The following PRH1 variants were observed in gnomAD, a reference collection of about 807,000 sequenced individuals.
The protein encoded by PRH1 is proline rich protein HaeIII subfamily 1.
Under a neutral mutation model 7.9 loss-of-function variants are expected in PRH1, and 7 were observed. The ratio of observed to expected loss-of-function variants is 0.89; its 90% CI spans 0.50 to 1.67. The LOEUF is 1.67. Ranked by LOEUF, PRH1 falls within the 40% of genes most tolerant of loss-of-function variation. PRH1 has a pLI of 0.00. For missense variants in PRH1, 109 were observed against 223.6 expected (o/e 0.49, Z 3.27); for synonymous variants, 45 against 80.8 (o/e 0.56, Z 2.38).
At position 11,131,839 on chromosome 12, in the gene PRH1, T is replaced by C. The variant is rs1946352471; in HGVS notation, n.40-10659A>G. 2.0e-5 allele frequency among the ~76,000 whole-genome samples: 3 copies of C among 152,248 alleles called. No homozygotes were observed. In the South Asian group the frequency reaches 6.2e-4, roughly 32 times the overall value. On this transcript the variant is annotated intron_variant and non_coding_transcript_variant, in intron 1 of 1. Transcript: ENST00000541175. ...GCAACTGCAGATTTTGTGATGAGTT[T>C]CCCTTTCATTGGTTTACCACATCAG...
At chr12:10,989,542 C>T (rs1024705090) in intron 1 of PRH1, among the ~76,000 whole-genome samples, 5 of 152,156 alleles carry the variant, frequency 3.3e-5, no homozygotes, top group Non-Finnish European at 7.4e-5. Context: ...TAACTAAATT[C>T]ACTTTTTGAT....
intron 1 of PRH1, among the ~76,000 whole-genome samples, chr12:10,982,657 T>C (rs1178821718): frequency 6.6e-6 from 1 of 152,174 alleles, no homozygotes; most frequent in Non-Finnish European, 1.5e-5. Context: ...ATTAATAATA[T>C]TACATAAAGT....
chr12:11,097,068 GA>G (rs1945090773), intron 1 of PRH1: 1 of 133,162 alleles, frequency 7.5e-6, no homozygotes. Context: ...AAAGTGCTGG[GA>G]TTACAGGCGT....
At chr12:10,989,354 T>C (rs182138114) in intron 1 of PRH1, among the ~76,000 whole-genome samples, 6 of 152,324 alleles carry the variant, frequency 3.9e-5, no homozygotes, top group Admixed American at 2.0e-4. Context: ...TCATCTTTAG[T>C]TGATACATAT....
intron 1 of PRH1, among the ~76,000 whole-genome samples, chr12:10,984,026 G>C (rs1939486718): frequency 6.6e-6 from 1 of 151,590 alleles, no homozygotes; most frequent in African/African-American, 2.4e-5. Context: ...TGTTCATTTA[G>C]AAAGGGTTTT....
upstream of PRH1, chr12:11,171,601 A>C: frequency 1.7e-6 from 2 of 1,207,340 alleles, no homozygotes; most frequent in Non-Finnish European, 2.1e-6. Context: ...GGCCAGCATG[A>C]TGGCCGACTC....
At chr12:10,978,185 A>C (rs1291793376) in intron 1 of PRH1, among the ~76,000 whole-genome samples, 1 of 152,220 alleles carries the variant, frequency 6.6e-6, no homozygotes, top group Non-Finnish European at 1.5e-5. Flanking sequence ...GGCAACAGTA[A>C]CCAAAGCAGC....
chr12:11,088,194 A>C (rs1367160802), intron 1 of PRH1, among the ~76,000 whole-genome samples: 1 of 129,758 alleles, frequency 7.7e-6, no homozygotes, highest in East Asian at 2.0e-4. Context: ...TACAAAAATT[A>C]GCCAGGCGTG....
chr12:10,907,509 CTGTA>C (rs1350590898), intron 2 of PRH1, among the ~76,000 whole-genome samples: 1 of 116,620 alleles, frequency 8.6e-6, no homozygotes, highest in Admixed American at 9.4e-5. Context: ...CACTCTATAA[CTGTA>C]TGTGTGTGTG....
intron 1 of PRH1, among the ~76,000 whole-genome samples, chr12:11,042,431 G>T (rs964769588): frequency 4.5e-4 from 59 of 132,112 alleles, no homozygotes; most frequent in African/African-American, 1.6e-3. Context: ...CCCAAAACCT[G>T]ATAAGACCAA....
At position 10,905,580 on chromosome 12, in the gene PRH1, C is replaced by T. The variant is rs151077678; in HGVS notation, c.-58-21305G>A. On this transcript the variant is annotated intron_variant, in intron 2 of 3. Coordinates refer to the PRH1 transcript ENST00000539853. The stretch of plus-strand genomic sequence containing the variant: ...ACTTGGGAGGCTGAGGCAGAAGAAT[C>T]GCTTGAACCTGGGAGGTGGAGGCAG... Among the ~76,000 whole-genome samples the T allele has an allele frequency of 3.9e-3, 592 of 152,062 alleles. 19 individuals carry two copies. The East Asian group carries it at 0.068, about 18-fold the overall frequency.
intron 3 of PRH1, 44 bp downstream of exon 3, chr12:10,882,173 T>C: frequency 3.1e-6 from 5 of 1,608,562 alleles, no homozygotes; most frequent in Non-Finnish European, 4.2e-6. Flanking sequence ...GTTGGAGAAC[T>C]GTAGCAGTTG....
intron 1 of PRH1, among the ~76,000 whole-genome samples, chr12:11,005,469 T>C (rs754376289): frequency 9.9e-5 from 15 of 152,154 alleles, no homozygotes; most frequent in Admixed American, 2.6e-4. Context: ...CCACTGTGGA[T>C]TGATTTTTTA....
In PRH1 at chr12:10,980,551, AATAG is replaced by A. The variant is rs1347313465; in HGVS notation, c.-125-6834_-125-6831del. 1.3e-5 allele frequency among the ~76,000 whole-genome samples: 2 copies of A among 152,086 alleles called. 1 individual carries two copies. Among genetic ancestry groups the A allele is most frequent in the Non-Finnish European group, 2.9e-5 (2 of 68,016 alleles). On this transcript the variant is annotated intron_variant, in intron 1 of 3. Coordinates refer to the PRH1 transcript ENST00000539853. The stretch of plus-strand genomic sequence containing the variant: ...AGCTTTATATAATGAGAAATATGTA[AATAG>A]ATGTACATAAATAAATAATATATAT...
At chr12:11,094,299 CAAAAAAAAAAAAAA>C (rs34742610) in intron 1 of PRH1, among the ~76,000 whole-genome samples, 380 of 27,030 alleles carry the variant, frequency 0.014, 113 homozygotes, top group South Asian at 0.12. Flanking sequence ...AAGACTCTGT[CAAAAAAAAAAAAAA>C]AAAAAAAAAA....
upstream of PRH1, among the ~76,000 whole-genome samples, chr12:10,885,619 C>T (rs1042321878): frequency 1.3e-5 from 2 of 152,118 alleles, no homozygotes; most frequent in African/African-American, 2.4e-5. Context: ...CTGGTTTTGT[C>T]GCTCTCTCCT....
intron 1 of PRH1, among the ~76,000 whole-genome samples, chr12:11,057,841 C>G (rs72477408): frequency 8.8e-3 from 605 of 69,068 alleles, no homozygotes; most frequent in Middle Eastern, 0.037. Flanking sequence ...AGACAATTTG[C>G]CTTGTATTGT....
chr12:10,965,370 G>C, intron 2 of PRH1: 1 of 1,072,044 alleles, frequency 9.3e-7, no homozygotes, highest in Non-Finnish European at 1.3e-6. Flanking sequence ...CAGACAAAAA[G>C]ATAGAATAAA....
intron 1 of PRH1, among the ~76,000 whole-genome samples, chr12:11,136,645 T>C (rs1211424431): frequency 1.3e-5 from 2 of 152,246 alleles, no homozygotes; most frequent in Non-Finnish European, 2.9e-5. Flanking sequence ...TATTATTTTA[T>C]ACAGCAAACA....
Sources: gnomAD v4.1 joint callset for allele counts (sites outside exome capture counted in the v4.1 genomes callset) on GRCh38, gnomAD v4.1.1 for gene constraint, MANE v1.5 for transcripts, NCBI Gene and HGNC (gene_info 2026-07-23, HGNC 2026-07-21) for gene names.